SCOC: variants seen among roughly 807,000 people sequenced by gnomAD.
The protein encoded by SCOC is short coiled coil protein.
SCOC carries 7 observed loss-of-function variants against 9.9 expected under a neutral mutation model. The ratio of observed to expected loss-of-function variants is 0.71; its 90% CI spans 0.40 to 1.33. The LOEUF (loss-of-function observed/expected upper bound fraction) is 1.33, where lower values mean the gene tolerates loss of function less well. Ranked by LOEUF, SCOC falls within the 40% of genes most tolerant of loss-of-function variation. SCOC has a pLI of 0.01. For synonymous variants in SCOC, 19 were observed against 28.2 expected (o/e 0.67, Z 1.03); for missense variants, 66 against 89.7 (o/e 0.74, Z 1.07).
chr4:140,343,704 C>T (rs1044306023), exon 2 of SCOC: 1 of 1,610,932 alleles, frequency 6.2e-7, no homozygotes, highest in Non-Finnish European at 8.5e-7. Flanking sequence ...TTGCAGATGA[C>T]ATAGGTAAGG....
Position 140,362,215 on chromosome 4 carries a change from T to G in SCOC, c.71-16906T>G, listed in dbSNP as rs186983017. Among the ~76,000 whole-genome samples, 130 of 150,542 alleles carry G rather than the reference T, an allele frequency of 8.6e-4. 2 individuals are homozygous for G. In the East Asian group the frequency reaches 0.018, roughly 21 times the overall value. On this transcript the variant is annotated intron_variant, in intron 2 of 4. Coordinates refer to the SCOC transcript ENST00000338517. ...GAGTGTTACTAACTATCCTGGTAAT[T>G]ACTAATTTTAAGCAATTGTTTTAAA... is the stretch of plus-strand genomic sequence containing the variant.
intron 1 of SCOC, among the ~76,000 whole-genome samples, chr4:140,304,220 C>T (rs546703525): frequency 6.6e-6 from 1 of 152,276 alleles, no homozygotes; most frequent in African/African-American, 2.4e-5. Context: ...CTACAAGACA[C>T]TGGTGACAGG....
At chr4:140,292,046 CCT>C (rs1731489855) in intron 1 of SCOC, among the ~76,000 whole-genome samples, 1 of 152,018 alleles carries the variant, frequency 6.6e-6, no homozygotes, top group South Asian at 2.1e-4. Context: ...GAACGACCAC[CCT>C]CTGCCTCCTG....
At chr4:140,336,790 T>A (rs1311763931) in intron 1 of SCOC, among the ~76,000 whole-genome samples, 1 of 152,228 alleles carries the variant, frequency 6.6e-6, no homozygotes, top group Non-Finnish European at 1.5e-5. Flanking sequence ...TTTAACTTTT[T>A]GAGGAACTGC....
intron 1 of SCOC, among the ~76,000 whole-genome samples, chr4:140,300,703 T>C (rs180956697): frequency 8.3e-4 from 127 of 152,326 alleles, no homozygotes; most frequent in African/African-American, 3.0e-3. Context: ...ACTTTGTTGA[T>C]TGAAAGGGAA....
intron 1 of SCOC, among the ~76,000 whole-genome samples, chr4:140,280,022 A>G (rs968484441): frequency 6.6e-6 from 1 of 152,252 alleles, no homozygotes; most frequent in African/African-American, 2.4e-5. Context: ...AAGGACGTGA[A>G]CTGGAAGTTG....
At chr4:140,364,735 C>T (rs1727716797) in intron 2 of SCOC, among the ~76,000 whole-genome samples, 1 of 152,124 alleles carries the variant, frequency 6.6e-6, no homozygotes, top group African/African-American at 2.4e-5. Context: ...ATGCTTTGTC[C>T]CTGAAGTCAG....
In SCOC at chr4:140,346,780, C is replaced by T. The variant is rs570480530; in HGVS notation, c.70+3072C>T. 2.0e-5 allele frequency among the ~76,000 whole-genome samples: 3 copies of T among 151,934 alleles called. No homozygotes were observed. In the East Asian group the frequency reaches 5.8e-4, roughly 29 times the overall value. On this transcript the variant is annotated intron_variant, in intron 2 of 4. Transcript: ENST00000338517. ...CAAATGATAGGATTCCAGACCTGTC[C>T]ATGCCATCTAACCACATGGCTCCCA...
chr4:140,358,694 A>G (rs1474597991), intron 2 of SCOC, among the ~76,000 whole-genome samples: 1 of 152,326 alleles, frequency 6.6e-6, no homozygotes, highest in East Asian at 1.9e-4. Flanking sequence ...TAGTCACTCA[A>G]ATCCTTTTCT....
intron 1 of SCOC, among the ~76,000 whole-genome samples, chr4:140,338,219 G>A (rs1327839300): frequency 1.3e-5 from 2 of 152,120 alleles, no homozygotes; most frequent in Middle Eastern, 3.2e-3. Flanking sequence ...CTCAATAGAT[G>A]CAGAAAAGGC....
At chr4:140,378,395 A>G (rs1728433416) in intron 1 of SCOC, among the ~76,000 whole-genome samples, 1 of 152,096 alleles carries the variant, frequency 6.6e-6, no homozygotes, top group African/African-American at 2.4e-5. Context: ...CATAATTTAC[A>G]TCAGTGAATA....
rs186129185 is a variant in SCOC at position 140,259,947 on chromosome 4, G to A, written c.-19+2537G>A. On this transcript the variant is annotated intron_variant, in intron 1 of 4. Transcript: ENST00000394205. Reference sequence around the variant, plus strand: ...TCATGCCATTCCAGTTCCTGGATACGCCCTTCCTTTTCCTTTCTGCCTTTC... The same window carrying A: ...TCATGCCATTCCAGTTCCTGGATACACCCTTCCTTTTCCTTTCTGCCTTTC... 3.9e-5 allele frequency among the ~76,000 whole-genome samples: 6 copies of A among 152,186 alleles called. No individual in the cohort carries two copies. In the South Asian group the frequency reaches 6.2e-4, roughly 16 times the overall value.
chr4:140,371,282 T>C (rs765383540), upstream of SCOC, among the ~76,000 whole-genome samples: 3 of 152,204 alleles, frequency 2.0e-5, no homozygotes, highest in Admixed American at 6.5e-5. Context: ...TTGTAAAACT[T>C]CCAAATTTTA....
At chr4:140,357,660 A>C (rs1024158661) in intron 2 of SCOC, among the ~76,000 whole-genome samples, 3 of 152,188 alleles carry the variant, frequency 2.0e-5, no homozygotes, top group African/African-American at 7.2e-5. Flanking sequence ...TTTCACTTGG[A>C]TCTCAAAGCC....
upstream of SCOC, among the ~76,000 whole-genome samples, chr4:140,373,068 A>G (rs1728123583): frequency 6.6e-6 from 1 of 152,252 alleles, no homozygotes; most frequent in Non-Finnish European, 1.5e-5. Flanking sequence ...ATTTAATAAT[A>G]GTTTCGGAGG....
chr4:140,349,338 T>A (rs575041470), intron 2 of SCOC, among the ~76,000 whole-genome samples: 8 of 152,180 alleles, frequency 5.3e-5, no homozygotes, highest in Non-Finnish European at 1.2e-4. Flanking sequence ...AATATTTCAA[T>A]TTTTTGTACA....
chr4:140,337,304 C>G (rs572600809), intron 1 of SCOC, among the ~76,000 whole-genome samples: 3 of 152,030 alleles, frequency 2.0e-5, no homozygotes, highest in Non-Finnish European at 4.4e-5. Context: ...ATCTAAGAAT[C>G]CTGTGGCAAA....
At chr4:140,355,727 A>G (rs994447214) in intron 2 of SCOC, among the ~76,000 whole-genome samples, 17 of 152,368 alleles carry the variant, frequency 1.1e-4, no homozygotes, top group Middle Eastern at 3.4e-3. Flanking sequence ...ATATTGGAAT[A>G]TGCTCAGACA....
At chr4:140,297,542 C>A (rs1237873355) in intron 1 of SCOC, among the ~76,000 whole-genome samples, 2 of 152,188 alleles carry the variant, frequency 1.3e-5, no homozygotes, top group Non-Finnish European at 2.9e-5. Flanking sequence ...CCCTCCCACA[C>A]CTTTCCTTCC....
Sources: gnomAD v4.1 joint callset for allele counts (sites outside exome capture counted in the v4.1 genomes callset) on GRCh38, gnomAD v4.1.1 for gene constraint, MANE v1.5 for transcripts, NCBI Gene and HGNC (gene_info 2026-07-23, HGNC 2026-07-21) for gene names.